The following KCND2 variants were observed in gnomAD, a reference collection of about 807,000 sequenced individuals.
KCND2 encodes the protein A-type voltage-gated potassium channel KCND2.
KCND2 carries 16 observed loss-of-function variants against 54.4 expected under a neutral mutation model. The observed-to-expected ratio is 0.29, with a 90% CI of 0.20 to 0.45. The LOEUF is 0.45. Ranked by LOEUF, KCND2 falls within the 20% of genes least tolerant of loss-of-function variation. KCND2 has a pLI of 1.00. For missense variants in KCND2, 486 were observed against 824.2 expected (o/e 0.59, Z 5.02); for synonymous variants, 317 against 310.7 (o/e 1.02, Z -0.21).
intron 1 of KCND2, among the ~76,000 whole-genome samples, chr7:120,290,485 C>A (rs1045126758): frequency 1.3e-5 from 2 of 151,976 alleles, no homozygotes; most frequent in Non-Finnish European, 2.9e-5. Context: ...TTTTTCTCAT[C>A]TCTATGCTAT....
At chr7:120,281,413 T>C (rs1799260596) in intron 1 of KCND2, among the ~76,000 whole-genome samples, 2 of 114,840 alleles carry the variant, frequency 1.7e-5, no homozygotes, top group African/African-American at 6.1e-5. Context: ...TGATGTGGGA[T>C]AGCGTCTGAT....
At chr7:120,622,833 GA>G (rs1316808882) in intron 1 of KCND2, among the ~76,000 whole-genome samples, 1 of 151,318 alleles carries the variant, frequency 6.6e-6, no homozygotes, top group African/African-American at 2.4e-5. Flanking sequence ...TATCAAACTT[GA>G]AAAAAATTCT....
At chr7:120,573,746 T>C (rs755526769) in intron 1 of KCND2, among the ~76,000 whole-genome samples, 1 of 152,028 alleles carries the variant, frequency 6.6e-6, no homozygotes, top group Non-Finnish European at 1.5e-5. Context: ...AAAGAGACAT[T>C]TGCATACCAG....
rs540908427 is a variant in KCND2 at position 120,440,580 on chromosome 7, G to A, written c.1115+164833G>A. Among the ~76,000 whole-genome samples, 5 of 152,058 alleles carry A rather than the reference G, an allele frequency of 3.3e-5. No homozygotes were observed. The South Asian group carries it at 1.0e-3, about 31-fold the overall frequency. ...TCTTTTTCCAGACCAAGGTCATGAA[G>A]CATTTTCTCTGTATTTTCTTCTGTT... On this transcript the variant is annotated intron_variant, in intron 1 of 5. Coordinates refer to ENST00000331113, the MANE Select transcript of KCND2 (RefSeq NM_012281.3).
chr7:120,365,940 ATAT>A (rs998555909), intron 1 of KCND2, among the ~76,000 whole-genome samples: 20 of 152,276 alleles, frequency 1.3e-4, no homozygotes, highest in African/African-American at 4.8e-4. Context: ...ACATTTAAAA[ATAT>A]TATTACAAAC....
At chr7:120,486,351 G>A (rs922366682) in intron 1 of KCND2, among the ~76,000 whole-genome samples, 1 of 152,106 alleles carries the variant, frequency 6.6e-6, no homozygotes, top group Non-Finnish European at 1.5e-5. Flanking sequence ...CCTTCAGGGG[G>A]TGGGAGCCAA....
intron 1 of KCND2, among the ~76,000 whole-genome samples, chr7:120,394,079 G>A (rs1472928273): frequency 2.0e-5 from 3 of 152,044 alleles, no homozygotes; most frequent in Admixed American, 6.6e-5. Context: ...GTAATCATCC[G>A]ATGGGTTCTT....
intron 1 of KCND2, among the ~76,000 whole-genome samples, chr7:120,689,930 T>A (rs1014022839): frequency 3.9e-5 from 6 of 152,172 alleles, no homozygotes. Flanking sequence ...TTACAGAGTA[T>A]TTGCTAGTGC....
intron 1 of KCND2, among the ~76,000 whole-genome samples, chr7:120,517,389 A>G (rs996576064): frequency 1.3e-5 from 2 of 152,106 alleles, no homozygotes; most frequent in African/African-American, 4.8e-5. Context: ...CACAAAAACT[A>G]TACATAGCTA....
At chr7:120,471,782 A>G (rs554948920) in intron 1 of KCND2, among the ~76,000 whole-genome samples, 37 of 152,244 alleles carry the variant, frequency 2.4e-4, no homozygotes, top group African/African-American at 7.7e-4. Context: ...GTCAACATCA[A>G]ACATGCTTTT....
chr7:120,352,437 C>A (rs963759050), intron 1 of KCND2, among the ~76,000 whole-genome samples: 1 of 140,880 alleles, frequency 7.1e-6, no homozygotes, highest in East Asian at 2.1e-4. Flanking sequence ...TACATATATA[C>A]AAATATATAT....
At chr7:120,567,510 A>C (rs1220524647) in intron 1 of KCND2, among the ~76,000 whole-genome samples, 1 of 152,170 alleles carries the variant, frequency 6.6e-6, no homozygotes, top group African/African-American at 2.4e-5. Context: ...TCTATTTCAA[A>C]GGGCAATGTG....
chr7:120,484,852 T>G (rs1403989812), intron 1 of KCND2, among the ~76,000 whole-genome samples: 7 of 152,200 alleles, frequency 4.6e-5, no homozygotes, highest in African/African-American at 1.7e-4. Context: ...ATTTTTAGTT[T>G]TAACTGAAGT....
chr7:120,403,387 G>A (rs907001843), intron 1 of KCND2, among the ~76,000 whole-genome samples: 14 of 151,796 alleles, frequency 9.2e-5, no homozygotes, highest in African/African-American at 3.1e-4. Flanking sequence ...TGCGATCATG[G>A]CTTACTGCAA....
chr7:120,334,935 T>G (rs902051646), intron 1 of KCND2, among the ~76,000 whole-genome samples: 1 of 152,200 alleles, frequency 6.6e-6, no homozygotes, highest in Non-Finnish European at 1.5e-5. Flanking sequence ...AGTAATCCAT[T>G]CTCCAACATG....
chr7:120,461,151 C>T (rs1012166088), intron 1 of KCND2, among the ~76,000 whole-genome samples: 5 of 152,052 alleles, frequency 3.3e-5, no homozygotes, highest in South Asian at 2.1e-4. Flanking sequence ...GACATTAGTA[C>T]CTTTGCCCCG....
At chr7:120,338,679 G>T (rs1800187931) in intron 1 of KCND2, among the ~76,000 whole-genome samples, 1 of 152,004 alleles carries the variant, frequency 6.6e-6, no homozygotes, top group Non-Finnish European at 1.5e-5. Context: ...TTTGAAGGTT[G>T]TCTACATTTA....
chr7:120,675,276 G>A (rs997115856), intron 1 of KCND2, among the ~76,000 whole-genome samples: 5 of 151,888 alleles, frequency 3.3e-5, no homozygotes, highest in Non-Finnish European at 4.4e-5. Flanking sequence ...TCTGTCCCCC[G>A]AGCTGGAGTG....
intron 1 of KCND2, among the ~76,000 whole-genome samples, chr7:120,514,490 A>G (rs1803167960): frequency 6.6e-6 from 1 of 152,176 alleles, no homozygotes; most frequent in South Asian, 2.1e-4. Flanking sequence ...TTTAAACCAA[A>G]TATTATAGTA....
Sources: allele counts gnomAD v4.1 joint callset (sites outside exome capture counted in the v4.1 genomes callset), GRCh38; gene constraint gnomAD v4.1.1; transcripts MANE v1.5; gene names NCBI Gene and HGNC (gene_info 2026-07-23, HGNC 2026-07-21).